The following PPP2R1B variants were observed in gnomAD, a reference collection of about 807,000 sequenced individuals.
The protein encoded by PPP2R1B is serine/threonine-protein phosphatase 2A 65 kDa regulatory subunit A beta isoform.
Under a neutral mutation model 72.7 loss-of-function variants are expected in PPP2R1B, and 58 were observed. The observed-to-expected ratio is 0.80, with a 90% CI of 0.65 to 0.99. The LOEUF (loss-of-function observed/expected upper bound fraction) is 0.99, where lower values mean the gene tolerates loss of function less well. PPP2R1B is among the 50% of genes least tolerant of loss of function. PPP2R1B has a pLI of 0.00. For synonymous variants in PPP2R1B, 256 were observed against 264.6 expected, an observed-to-expected ratio of 0.97 and a Z score of 0.32; for missense variants, 695 against 733.6, an observed-to-expected ratio of 0.95 and a Z score of 0.61.
At chr11:111,705,371 G>T in the PPP2R1B span, among the ~76,000 whole-genome samples, 1 of 152,134 alleles carries the variant, frequency 6.6e-6, no homozygotes, top group Non-Finnish European at 1.5e-5. The surrounding 1 kb of genome is among the most constrained non-coding windows in gnomAD (Gnocchi z 4.3). Flanking sequence ...ACAATGTTGA[G>T]AATTACTATC....
chr11:111,722,613 A>G (rs1943835366), downstream of PPP2R1B: 1 of 1,546,804 alleles, frequency 6.5e-7, no homozygotes, highest in African/African-American at 1.4e-5. The surrounding 1 kb of genome is among the most constrained non-coding windows in gnomAD (Gnocchi z 4.4). Flanking sequence ...TGATGACTGC[A>G]TCCTAGGTGA....
Position 111,755,059 on chromosome 11 carries a change from A to G in PPP2R1B, c.879T>C (p.Asn293=). ...GGTTCTGAAAGGCGGGGATGAGGTCATTTAGGGTGATTTTAGGACCCATGG... is the reference window on the plus strand; with the variant it reads ...GGTTCTGAAAGGCGGGGATGAGGTCGTTTAGGGTGATTTTAGGACCCATGG... ...QKAMGPKITL[N]DLIPAFQNLL... Residue 293 remains asparagine (N), a synonymous_variant, in exon 7 of 15, where the codon AAT becomes AAC. Coordinates refer to ENST00000527614, the MANE Select transcript of PPP2R1B (RefSeq NM_002716.5). 1 of 1,613,988 alleles carries G rather than the reference A, an allele frequency of 6.2e-7. No homozygotes were observed. Among genetic ancestry groups the G allele is most frequent in the Non-Finnish European group, 8.5e-7 (1 of 1,179,852 alleles).
chr11:111,726,363 G>A (rs184346757), downstream of PPP2R1B: 2 of 152,702 alleles, frequency 1.3e-5, no homozygotes, highest in East Asian at 3.9e-4. Context: ...ACTGCAGAGA[G>A]GCTACTGGAA....
chr11:111,708,027 T>C, the PPP2R1B span, among the ~76,000 whole-genome samples: 1 of 152,214 alleles, frequency 6.6e-6, no homozygotes, highest in Admixed American at 6.5e-5. Flanking sequence ...CTAGCCACTG[T>C]GGCTTCAGAA....
chr11:111,743,583 T>C, intron 11 of PPP2R1B, 53 bp from the exon 12 acceptor site: 3 of 1,556,430 alleles, frequency 1.9e-6, no homozygotes, highest in Non-Finnish European at 2.6e-6. Flanking sequence ...TTTTTAAGCA[T>C]AACCTAGTTT....
chr11:111,715,056 G>A, the PPP2R1B span, among the ~76,000 whole-genome samples: 4 of 152,206 alleles, frequency 2.6e-5, no homozygotes, highest in Non-Finnish European at 5.9e-5. Context: ...GATTGTTACT[G>A]TAACCAGAAA....
At chr11:111,742,702 T>C (rs1944567281) in intron 12 of PPP2R1B, 37 bp from the exon 13 acceptor site, 1 of 1,518,298 alleles carries the variant, frequency 6.6e-7, no homozygotes, top group African/African-American at 1.4e-5. Context: ...TTAAAATACT[T>C]TAAAAAATTC....
intron 5 of PPP2R1B, among the ~76,000 whole-genome samples, chr11:111,756,592 A>G (rs1945128995): frequency 6.6e-6 from 1 of 152,238 alleles, no homozygotes; most frequent in Admixed American, 6.5e-5. Flanking sequence ...GCATAAGATA[A>G]TGACTTGGAA....
At chr11:111,734,912 G>C (rs1371998942), downstream of PPP2R1B, among the ~76,000 whole-genome samples, 5 of 152,236 alleles carry the variant, frequency 3.3e-5, no homozygotes, top group African/African-American at 7.2e-5. Context: ...TCTAGGACAA[G>C]TGAGGTTCCT....
At chr11:111,712,419 A>C in the PPP2R1B span, 1 of 1,580,064 alleles carries the variant, frequency 6.3e-7, no homozygotes, top group Non-Finnish European at 8.6e-7. Context: ...GTTTGGCGAG[A>C]GATTTCAGTT....
the PPP2R1B span, among the ~76,000 whole-genome samples, chr11:111,711,483 G>A: frequency 3.9e-5 from 6 of 152,328 alleles, 1 homozygote; most frequent in South Asian, 8.3e-4. Flanking sequence ...TAACAAACGA[G>A]ACGTGAGAAC....
chr11:111,755,593 T>TC (rs1945081572), intron 5 of PPP2R1B, 143 bp from the exon 6 acceptor site: 4 of 498,586 alleles, frequency 8.0e-6, no homozygotes, highest in African/African-American at 6.2e-5. Context: ...TCTTTTTCTT[T>TC]TTTTTTTTTT....
chr11:111,737,738 A>G (rs1944380463), downstream of PPP2R1B: 2 of 1,358,630 alleles, frequency 1.5e-6, no homozygotes, highest in Non-Finnish European at 2.0e-6. Flanking sequence ...GGGGCAGCCC[A>G]GGGTCGTGCT....
At chr11:111,747,925 C>T in intron 11 of PPP2R1B, 29 bp downstream of exon 11, 4 of 1,572,954 alleles carry the variant, frequency 2.5e-6, no homozygotes, top group Non-Finnish European at 3.5e-6. Flanking sequence ...GATATATGGG[C>T]TTTCAATAAT....
chr11:111,733,501 C>T (rs560723570), downstream of PPP2R1B, among the ~76,000 whole-genome samples: 1 of 152,298 alleles, frequency 6.6e-6, no homozygotes, highest in Non-Finnish European at 1.5e-5. Flanking sequence ...CTCAGGTCGG[C>T]TGGGACAGTT....
chr11:111,702,670 A>T, the PPP2R1B span, among the ~76,000 whole-genome samples: 1 of 152,204 alleles, frequency 6.6e-6, no homozygotes, highest in Non-Finnish European at 1.5e-5. Flanking sequence ...GAAGAGCATC[A>T]TGTCAGCTCA....
chr11:111,726,805 G>T, downstream of PPP2R1B: 1 of 642,364 alleles, frequency 1.6e-6, no homozygotes, highest in East Asian at 2.7e-5. Flanking sequence ...CACGTTAGCA[G>T]TGTGTACACT....
chr11:111,725,827 T>G (rs1943947679), downstream of PPP2R1B: 1 of 152,576 alleles, frequency 6.6e-6, no homozygotes, highest in African/African-American at 2.4e-5. Flanking sequence ...GACTGCCTGG[T>G]CGCCAGCGCT....
downstream of PPP2R1B, chr11:111,722,680 T>C: frequency 6.2e-7 from 1 of 1,614,004 alleles, no homozygotes; most frequent in Middle Eastern, 1.7e-4. This position sits in a 1 kb window ranked among gnomAD's most constrained non-coding sequence, Gnocchi z 4.4. Context: ...CAGCCTTCTG[T>C]CAAAGGCCCA....
Sources: gnomAD v4.1 joint callset for allele counts (sites outside exome capture counted in the v4.1 genomes callset) on GRCh38, gnomAD v4.1.1 for gene constraint, Gnocchi (gnomAD v3.1) non-coding constraint, MANE v1.5 for transcripts, NCBI Gene and HGNC (gene_info 2026-07-23, HGNC 2026-07-21) for gene names.